LRMDA: variants seen among roughly 807,000 people sequenced by gnomAD.
LRMDA encodes the protein leucine-rich melanocyte differentiation-associated protein.
Under a neutral mutation model 29.8 loss-of-function variants are expected in LRMDA, and 18 were observed. That is an observed-to-expected ratio of 0.60 (90% CI 0.42 to 0.90). LRMDA has a LOEUF of 0.90. LRMDA is among the 40% of genes least tolerant of loss of function. The pLI is 0.00. For synonymous variants in LRMDA, 125 were observed against 109.4 expected (o/e 1.14, Z -0.89); for missense variants, 273 against 273.9 (o/e 1.00, Z 0.02).
At chr10:75,663,490 G>T (rs796993908) in intron 2 of LRMDA, among the ~76,000 whole-genome samples, 1 of 152,118 alleles carries the variant, frequency 6.6e-6, no homozygotes, top group Non-Finnish European at 1.5e-5. Context: ...GGCCTCGAGT[G>T]TGTTCTTATC....
intron 2 of LRMDA, among the ~76,000 whole-genome samples, chr10:75,846,535 G>A (rs1246042598): frequency 6.6e-6 from 1 of 152,188 alleles, no homozygotes; most frequent in Non-Finnish European, 1.5e-5. Context: ...TGGAAAGAAA[G>A]AAGCAGCCTT....
At chr10:75,556,143 T>A (rs566151955) in intron 2 of LRMDA, among the ~76,000 whole-genome samples, 5 of 152,164 alleles carry the variant, frequency 3.3e-5, no homozygotes, top group African/African-American at 1.2e-4. Context: ...ATGAATGATA[T>A]AAATGTAGAG....
At chr10:76,026,758 A>G (rs1848069828) in intron 2 of LRMDA, among the ~76,000 whole-genome samples, 1 of 152,180 alleles carries the variant, frequency 6.6e-6, no homozygotes, top group African/African-American at 2.4e-5. Flanking sequence ...AGCCCTTATA[A>G]ACTATAGTTA....
intron 2 of LRMDA, among the ~76,000 whole-genome samples, chr10:75,876,950 C>T (rs892831726): frequency 1.3e-4 from 20 of 152,116 alleles, no homozygotes; most frequent in Admixed American, 1.2e-3. Flanking sequence ...TGAAAATTTG[C>T]TTTTCTAACA....
chr10:75,735,289 G>A (rs185228382), intron 2 of LRMDA, among the ~76,000 whole-genome samples: 8 of 152,276 alleles, frequency 5.3e-5, no homozygotes, highest in Non-Finnish European at 1.5e-5. Flanking sequence ...AAAGTCTTTT[G>A]TTTTGGGGGG....
intron 2 of LRMDA, among the ~76,000 whole-genome samples, chr10:75,776,862 C>G (rs1428458402): frequency 6.6e-6 from 1 of 152,234 alleles, no homozygotes; most frequent in Non-Finnish European, 1.5e-5. Flanking sequence ...GCCGTGCTGT[C>G]AACCCCTGAA....
intron 5 of LRMDA, among the ~76,000 whole-genome samples, chr10:76,143,687 T>C (rs1236890770): frequency 1.3e-5 from 2 of 152,250 alleles, no homozygotes; most frequent in Non-Finnish European, 1.5e-5. Flanking sequence ...GCAGAAGCTG[T>C]TGAGTTTAAT....
chr10:76,154,972 A>G (rs796888961), intron 5 of LRMDA, among the ~76,000 whole-genome samples: 7 of 152,308 alleles, frequency 4.6e-5, no homozygotes, highest in African/African-American at 7.2e-5. Flanking sequence ...TGGATGTTGT[A>G]TAAGTCATTT....
At chr10:76,255,886 A>G (rs1246929576) in intron 5 of LRMDA, among the ~76,000 whole-genome samples, 4 of 152,230 alleles carry the variant, frequency 2.6e-5, no homozygotes, top group Non-Finnish European at 4.4e-5. Flanking sequence ...CTAAGATACA[A>G]CTGACCAGCT....
chr10:75,802,693 C>T (rs572014947), intron 2 of LRMDA, among the ~76,000 whole-genome samples: 32 of 151,846 alleles, frequency 2.1e-4, no homozygotes, highest in Non-Finnish European at 3.8e-4. Flanking sequence ...AAGCCCAGTA[C>T]CTGGCACATA....
chr10:75,795,119 G>A (rs1347966392), intron 2 of LRMDA, among the ~76,000 whole-genome samples: 1 of 151,988 alleles, frequency 6.6e-6, no homozygotes, highest in African/African-American at 2.4e-5. Flanking sequence ...ATTCTGGCTG[G>A]GCACAGTGGC....
intron 6 of LRMDA, among the ~76,000 whole-genome samples, chr10:76,377,377 G>A (rs939479180): frequency 3.3e-5 from 5 of 151,940 alleles, no homozygotes. Context: ...TTATTTCTTT[G>A]CTATGCAGAA....
At chr10:75,877,855 T>C (rs1845225975) in intron 2 of LRMDA, among the ~76,000 whole-genome samples, 1 of 152,168 alleles carries the variant, frequency 6.6e-6, no homozygotes, top group South Asian at 2.1e-4. Context: ...CACTCTATCC[T>C]TAGCACAAAT....
At chr10:75,819,085 CAG>C (rs1224100124) in intron 2 of LRMDA, among the ~76,000 whole-genome samples, 1 of 152,182 alleles carries the variant, frequency 6.6e-6, no homozygotes, top group Non-Finnish European at 1.5e-5. Context: ...AAGTTGAAAA[CAG>C]AGGGAAAGAA....
chr10:75,530,217 CTT>C (rs1307276946), intron 2 of LRMDA, among the ~76,000 whole-genome samples: 1 of 151,186 alleles, frequency 6.6e-6, no homozygotes, highest in Non-Finnish European at 1.5e-5. Flanking sequence ...GGTCCTGCCT[CTT>C]TATATAGTTT....
intron 2 of LRMDA, among the ~76,000 whole-genome samples, chr10:75,556,302 A>G (rs1273600327): frequency 6.6e-6 from 1 of 152,218 alleles, no homozygotes; most frequent in Non-Finnish European, 1.5e-5. Flanking sequence ...AACAACTTGA[A>G]TTACCTTAAT....
chr10:76,205,277 C>A (rs1345285414), intron 5 of LRMDA, among the ~76,000 whole-genome samples: 2 of 152,110 alleles, frequency 1.3e-5, no homozygotes, highest in Non-Finnish European at 2.9e-5. Flanking sequence ...AGATGGGGTG[C>A]CTCTTCTGTG....
intron 6 of LRMDA, among the ~76,000 whole-genome samples, chr10:76,390,931 G>A (rs1841716686): frequency 6.6e-6 from 1 of 152,194 alleles, no homozygotes; most frequent in Admixed American, 6.5e-5. Context: ...TATTCACGTG[G>A]AGAGAGTTAG....
At chr10:75,898,329 G>C (rs1029177647) in intron 2 of LRMDA, among the ~76,000 whole-genome samples, 7 of 152,142 alleles carry the variant, frequency 4.6e-5, no homozygotes, top group Non-Finnish European at 7.3e-5. Flanking sequence ...AAGGGAAAGG[G>C]AAAGATATCA....
Sources: allele counts gnomAD v4.1 joint callset (sites outside exome capture counted in the v4.1 genomes callset), GRCh38; gene constraint gnomAD v4.1.1; transcripts MANE v1.5; gene names NCBI Gene and HGNC (gene_info 2026-07-23, HGNC 2026-07-21).